SEMA3E: variants seen among roughly 807,000 people sequenced by gnomAD.
SEMA3E encodes semaphorin 3E, also known as semaphorin-3E.
SEMA3E carries 49 observed loss-of-function variants against 93.6 expected under a neutral mutation model. The observed-to-expected ratio is 0.52, with a 90% confidence interval of 0.42 to 0.66. SEMA3E has a LOEUF of 0.66. Among genes scored for constraint, SEMA3E ranks in the 30% least tolerant of loss-of-function variants. The probability of loss-of-function intolerance (pLI) is 0.00; values close to 1 mark genes in which losing one functional copy is unlikely to be tolerated. For synonymous variants in SEMA3E, 363 were observed against 330.7 expected, an observed-to-expected ratio of 1.10 and a Z score of -1.06; for missense variants, 906 against 964.8, an observed-to-expected ratio of 0.94 and a Z score of 0.81.
intron 1 of SEMA3E, among the ~76,000 whole-genome samples, chr7:83,492,014 T>C (rs1253589852): frequency 6.6e-6 from 1 of 152,048 alleles, no homozygotes; most frequent in African/African-American, 2.4e-5. Flanking sequence ...TTTACGTTTA[T>C]ATCAGGGCTG....
intron 1 of SEMA3E, among the ~76,000 whole-genome samples, chr7:83,614,417 T>C (rs1398268601): frequency 6.6e-6 from 1 of 152,166 alleles, no homozygotes; most frequent in Non-Finnish European, 1.5e-5. Context: ...CAATCAGTTA[T>C]GTGGAGTGAC....
At chr7:83,584,772 A>G (rs1335837224) in intron 1 of SEMA3E, among the ~76,000 whole-genome samples, 1 of 152,170 alleles carries the variant, frequency 6.6e-6, no homozygotes, top group East Asian at 1.9e-4. Flanking sequence ...CATTATTTAA[A>G]TGAAGTTTAA....
At chr7:83,405,374 T>C (rs926352899) in intron 9 of SEMA3E, 76 bp downstream of exon 9, 29 of 1,044,030 alleles carry the variant, frequency 2.8e-5, no homozygotes, top group Non-Finnish European at 4.1e-5. Context: ...TTTCAACTTA[T>C]ATACACCATG....
At chr7:83,455,315 T>C (rs1156230509) in intron 4 of SEMA3E, among the ~76,000 whole-genome samples, 1 of 152,194 alleles carries the variant, frequency 6.6e-6, no homozygotes, top group Non-Finnish European at 1.5e-5. Context: ...ATTCTGCAGA[T>C]GGCCCACACA....
At chr7:83,630,140 G>A (rs942442101) in intron 1 of SEMA3E, among the ~76,000 whole-genome samples, 6 of 152,166 alleles carry the variant, frequency 3.9e-5, no homozygotes, top group African/African-American at 1.4e-4. Context: ...GTCCCAATGA[G>A]ATGAGCCAGG....
intron 2 of SEMA3E, among the ~76,000 whole-genome samples, chr7:83,486,780 G>T (rs1050287030): frequency 1.3e-5 from 2 of 152,086 alleles, no homozygotes; most frequent in African/African-American, 4.8e-5. Context: ...ACTGGTACCT[G>T]CCCAGACTGG....
chr7:83,547,091 G>T (rs1214921703), intron 1 of SEMA3E, among the ~76,000 whole-genome samples: 1 of 152,102 alleles, frequency 6.6e-6, no homozygotes, highest in African/African-American at 2.4e-5. Context: ...GATACATCCT[G>T]AGAGTTTTGA....
intron 11 of SEMA3E, 117 bp downstream of exon 11, chr7:83,399,911 T>G: frequency 1.2e-6 from 1 of 831,160 alleles, no homozygotes; most frequent in Admixed American, 1.8e-5. Flanking sequence ...GGATTAGCAG[T>G]GTGAAATTGT....
At chr7:83,540,777 A>G (rs1007434389) in intron 1 of SEMA3E, among the ~76,000 whole-genome samples, 6 of 143,688 alleles carry the variant, frequency 4.2e-5, no homozygotes, top group Admixed American at 7.1e-5. Context: ...CTTTCCAGGT[A>G]AATCTGAAAC....
chr7:83,594,359 A>G (rs1490560155), intron 1 of SEMA3E, among the ~76,000 whole-genome samples: 5 of 152,126 alleles, frequency 3.3e-5, no homozygotes, highest in Admixed American at 3.3e-4. Context: ...GGTGCAGGTG[A>G]TCAGATTAGG....
At chr7:83,450,701 G>A (rs1789341385) in intron 4 of SEMA3E, among the ~76,000 whole-genome samples, 1 of 149,398 alleles carries the variant, frequency 6.7e-6, no homozygotes, top group Non-Finnish European at 1.5e-5. Flanking sequence ...AAAAATCATA[G>A]GTTATCTTTT....
chr7:83,585,811 G>A (rs1180938011), intron 1 of SEMA3E, among the ~76,000 whole-genome samples: 1 of 152,168 alleles, frequency 6.6e-6, no homozygotes, highest in African/African-American at 2.4e-5. Flanking sequence ...TACAGGGCAA[G>A]CAAAAACTCC....
chr7:83,646,215 C>T (rs945200565), intron 1 of SEMA3E, among the ~76,000 whole-genome samples: 9 of 152,016 alleles, frequency 5.9e-5, no homozygotes, highest in Non-Finnish European at 1.2e-4. Context: ...GAACACTTGT[C>T]GTTACTGACA....
Position 83,645,379 on chromosome 7 carries a change from G to C in SEMA3E, c.115+3049C>G, listed in dbSNP as rs144039685. On this transcript the variant is annotated intron_variant, in intron 1 of 16. Coordinates refer to ENST00000643230, the MANE Select transcript of SEMA3E (RefSeq NM_012431.3). ...TTCATGAACTTTTAAATATTTGCCT[G>C]ATACAGCCAAACTCAACTCAAATCT... 9.9e-4 allele frequency among the ~76,000 whole-genome samples: 151 copies of C among 152,068 alleles called. 1 individual carries two copies. The East Asian group carries it at 0.012, about 12-fold the overall frequency.
chr7:83,639,071 A>T (rs1273987475), intron 1 of SEMA3E, among the ~76,000 whole-genome samples: 1 of 129,002 alleles, frequency 7.8e-6, no homozygotes, highest in Non-Finnish European at 1.6e-5. Context: ...AGATCCCGCC[A>T]CTGCACTCCA....
Position 83,637,843 on chromosome 7 carries a change from G to A in SEMA3E, c.115+10585C>T, listed in dbSNP as rs35658287. On this transcript the variant is annotated intron_variant, in intron 1 of 16. Transcript: ENST00000643230. Reference sequence around the variant, plus strand: ...TTCTGCTAATTTAACGTATATTTTAGAAAGAGGAGATCCTTACAAGGCGGT... The same window carrying A: ...TTCTGCTAATTTAACGTATATTTTAAAAAGAGGAGATCCTTACAAGGCGGT... Among the ~76,000 whole-genome samples the A allele has an allele frequency of 2.1e-5, 3 of 139,758 alleles. No homozygotes were observed. In the East Asian group the frequency reaches 6.4e-4, roughly 30 times the overall value. 91.7% of individuals were successfully genotyped at this position (139,758 alleles called of 152,430 possible).
chr7:83,614,061 T>C (rs537552903), intron 1 of SEMA3E, among the ~76,000 whole-genome samples: 1 of 152,250 alleles, frequency 6.6e-6, no homozygotes, highest in Non-Finnish European at 1.5e-5. Context: ...CCTTCAGTCT[T>C]TCTTGATGTT....
At chr7:83,486,767 C>T (rs542491288) in intron 2 of SEMA3E, among the ~76,000 whole-genome samples, 50 of 152,150 alleles carry the variant, frequency 3.3e-4, no homozygotes, top group African/African-American at 1.2e-3. Flanking sequence ...GGCACCTGCC[C>T]AGACTGGTAC....
At chr7:83,581,257 A>G (rs2115908349) in intron 1 of SEMA3E, among the ~76,000 whole-genome samples, 1 of 152,144 alleles carries the variant, frequency 6.6e-6, no homozygotes, top group South Asian at 2.1e-4. Flanking sequence ...TTTGTGTATC[A>G]TTCCATCAGT....
Sources: gnomAD v4.1 joint callset for allele counts (sites outside exome capture counted in the v4.1 genomes callset) on GRCh38, gnomAD v4.1.1 for gene constraint, MANE v1.5 for transcripts, NCBI Gene and HGNC (gene_info 2026-07-23, HGNC 2026-07-21) for gene names.